SLC4A8: variants seen among roughly 807,000 people sequenced by gnomAD.
SLC4A8 encodes electroneutral sodium bicarbonate exchanger 1.
A neutral mutation model predicts 125.0 loss-of-function variants in SLC4A8; 40 were observed. That is an observed-to-expected ratio of 0.32 (90% confidence interval 0.25 to 0.42). The LOEUF (loss-of-function observed/expected upper bound fraction) is 0.42, where lower values mean the gene tolerates loss of function less well. Among genes scored for constraint, SLC4A8 ranks in the 10% least tolerant of loss-of-function variants. The probability of loss-of-function intolerance (pLI) is 1.00; values close to 1 mark genes in which losing one functional copy is unlikely to be tolerated. For synonymous variants in SLC4A8, 456 were observed against 476.0 expected (o/e 0.96, Z 0.55); for missense variants, 863 against 1,355.1 (o/e 0.64, Z 5.70).
Position 51,504,111 on chromosome 12 carries a change from TCAGTTG to T in SLC4A8, c.3168_3173del (p.Ser1056_Cys1057del). 2 of 1,567,408 alleles carry T rather than the reference TCAGTTG, an allele frequency of 1.3e-6. No homozygotes were observed. Among genetic ancestry groups the T allele is most frequent in the South Asian group, 2.3e-5 (2 of 85,370 alleles). The stretch of plus-strand genomic sequence containing the variant: ...TTACTAAGTAGTCCTGGAAAGAACA[TCAGTTG>T]CAGGTAAAACTTCCAAACACCAAGG... On this transcript the variant is annotated inframe_deletion, in exon 23 of 25. Coordinates refer to ENST00000453097, the MANE Select transcript of SLC4A8 (RefSeq NM_001039960.3).
intron 16 of SLC4A8, among the ~76,000 whole-genome samples, chr12:51,483,799 T>TA (rs1951093328): frequency 6.6e-6 from 1 of 152,190 alleles, no homozygotes; most frequent in African/African-American, 2.4e-5. Context: ...GCAGGTTTGT[T>TA]ACATATGTAT....
intron 16 of SLC4A8, among the ~76,000 whole-genome samples, chr12:51,481,286 T>C (rs1951019905): frequency 6.6e-6 from 1 of 152,182 alleles, no homozygotes; most frequent in African/African-American, 2.4e-5. Flanking sequence ...TCTCATTTTT[T>C]TTCCACTCTT....
intron 6 of SLC4A8, 129 bp from the exon 7 acceptor site, chr12:51,458,430 C>T (rs1056110918): frequency 1.1e-5 from 7 of 658,922 alleles, no homozygotes; most frequent in South Asian, 5.6e-5. Context: ...GTCTTGACTT[C>T]GTAGTCATCT....
upstream of SLC4A8, among the ~76,000 whole-genome samples, chr12:51,423,214 G>A (rs17125752): frequency 0.092 from 14,029 of 152,196 alleles, 727 homozygotes; most frequent in East Asian, 0.22. Context: ...AACATATAAA[G>A]TACTTAAATA....
At chr12:51,405,104 G>T (rs553182153) in intron 1 of SLC4A8, among the ~76,000 whole-genome samples, 17 of 152,346 alleles carry the variant, frequency 1.1e-4, no homozygotes, top group South Asian at 2.1e-4. Context: ...AGCAGAGAAA[G>T]GGAGTTGGGT....
At position 51,489,689 on chromosome 12, in the gene SLC4A8, T is replaced by C; in HGVS notation, c.2449-11T>C. On this transcript the variant is annotated splice_polypyrimidine_tract_variant and intron_variant, in intron 18 of 24. Coordinates refer to ENST00000453097, the MANE Select transcript of SLC4A8 (RefSeq NM_001039960.3). ...CCTACTGATGGTGACAAAGACTCTG[T>C]TTCCCCACAGAAAGGCTGTGGCTAC... 6.2e-7 allele frequency: 1 copy of C among 1,613,930 alleles called. No homozygotes were observed. The highest frequency in any genetic ancestry group is 1.7e-5 in the Admixed American group (1 of 60,020).
chr12:51,412,545 G>A (rs1394802493), intron 1 of SLC4A8, among the ~76,000 whole-genome samples: 2 of 152,082 alleles, frequency 1.3e-5, no homozygotes, highest in African/African-American at 4.8e-5. Flanking sequence ...CTAACTGTAG[G>A]CTTTTGTCCA....
In SLC4A8 at chr12:51,474,379, A is replaced by G. The variant is rs199981470; in HGVS notation, c.1942A>G (p.Thr648Ala). The change falls in exon 15 of 25, where the codon ACC becomes GCC. Residue 648 changes from threonine to alanine, a missense_variant. Physicochemically the swap from Thr to Ala is moderately conservative, Grantham distance 58. This residue lies in a region of SLC4A8 where 76 missense variants were observed against 80.2 expected (regional missense o/e 0.95). Transcript: ENST00000453097. ...CTLPENPNNH[T>A]LQYWKDHNIV... is the part of the protein sequence containing the mutation. ...TCTGCCAGAGAATCCAAACAATCAC[A>G]CCCTCCAGTACTGGAAGGACCACAA... The G allele has an allele frequency of 6.2e-7, 1 of 1,600,304 alleles. No homozygotes were observed. The highest frequency in any genetic ancestry group is 8.6e-7 in the Non-Finnish European group (1 of 1,169,390).
At chr12:51,492,138 T>TA (rs1435066193) in intron 19 of SLC4A8, among the ~76,000 whole-genome samples, 1 of 152,106 alleles carries the variant, frequency 6.6e-6, no homozygotes, top group East Asian at 1.9e-4. Context: ...CTTTGAACAT[T>TA]AAAAAAATGT....
At chr12:51,398,588 C>T (rs942947010) in intron 1 of SLC4A8, among the ~76,000 whole-genome samples, 11 of 152,202 alleles carry the variant, frequency 7.2e-5, no homozygotes, top group Non-Finnish European at 1.3e-4. Context: ...AACATATGCA[C>T]ATTTAACCTT....
At chr12:51,466,983 G>C (rs936242574) in intron 11 of SLC4A8, among the ~76,000 whole-genome samples, 1 of 152,072 alleles carries the variant, frequency 6.6e-6, no homozygotes, top group Non-Finnish European at 1.5e-5. Context: ...GTGTATGTGT[G>C]TGTAGGGGGT....
At chr12:51,501,888 T>C (rs1327642070) in intron 22 of SLC4A8, 1 of 152,210 alleles carries the variant, frequency 6.6e-6, no homozygotes, top group African/African-American at 2.4e-5. Flanking sequence ...GGTTCTGATT[T>C]GCATCTCTGA....
At chr12:51,411,879 G>A (rs911189880) in intron 1 of SLC4A8, among the ~76,000 whole-genome samples, 17 of 151,898 alleles carry the variant, frequency 1.1e-4, no homozygotes, top group South Asian at 2.1e-4. Flanking sequence ...GAGCCCAGGA[G>A]GTTGAAACCC....
intron 1 of SLC4A8, among the ~76,000 whole-genome samples, chr12:51,432,600 G>A (rs1252715899): frequency 6.6e-6 from 1 of 151,900 alleles, no homozygotes; most frequent in Non-Finnish European, 1.5e-5. Flanking sequence ...GTGCGTGCTT[G>A]TAGTCCCAGC....
In SLC4A8 at chr12:51,424,834, G is replaced by T; in HGVS notation, c.-154G>T. The T allele has an allele frequency of 1.3e-6, 1 of 742,244 alleles. No individual in the cohort carries two copies. The highest frequency in any genetic ancestry group is 2.2e-6 in the Non-Finnish European group (1 of 458,192). 46.0% of individuals were successfully genotyped at this position (742,244 alleles called of 1,614,324 possible). ...GATTGGTTGCGGCGGATGCCTCGCG[G>T]GCCGGTGGCTATGGAGGCGGCGGCG... is the stretch of plus-strand genomic sequence containing the variant. On this transcript the variant is annotated 5_prime_UTR_variant, in exon 1 of 25. Coordinates refer to ENST00000453097, the MANE Select transcript of SLC4A8 (RefSeq NM_001039960.3).
chr12:51,453,399 T>C, intron 4 of SLC4A8, 140 bp from the exon 5 acceptor site: 1 of 783,404 alleles, frequency 1.3e-6, no homozygotes, highest in Non-Finnish European at 2.0e-6. Context: ...CTTATCAATG[T>C]ACCCTGAACA....
At chr12:51,502,241 G>A (rs1937923011) in intron 22 of SLC4A8, 1 of 152,126 alleles carries the variant, frequency 6.6e-6, no homozygotes, top group Non-Finnish European at 1.5e-5. Flanking sequence ...TTTTTTGTTT[G>A]TTTGTTTGTT....
intron 1 of SLC4A8, among the ~76,000 whole-genome samples, chr12:51,410,086 C>G (rs1948566180): frequency 6.6e-6 from 1 of 152,188 alleles, no homozygotes; most frequent in Admixed American, 6.5e-5. Context: ...GCAGCTGGGC[C>G]TCTATGCCTG....
intron 1 of SLC4A8, among the ~76,000 whole-genome samples, chr12:51,432,098 C>T (rs746954031): frequency 1.3e-5 from 2 of 152,066 alleles, no homozygotes; most frequent in African/African-American, 4.8e-5. Flanking sequence ...TGTATTACCT[C>T]GGTTTGCTGA....
Sources: gnomAD v4.1 joint callset for allele counts (sites outside exome capture counted in the v4.1 genomes callset) on GRCh38, gnomAD v4.1.1 for gene constraint, gnomAD v4.1.1 regional missense constraint, MANE v1.5 for transcripts, NCBI Gene and HGNC (gene_info 2026-07-23, HGNC 2026-07-21) for gene names.